POU2F3: variants seen among roughly 807,000 people sequenced by gnomAD.
The protein encoded by POU2F3 is POU class 2 homeobox 3.
Under a neutral mutation model 59.2 loss-of-function variants are expected in POU2F3, and 23 were observed. The ratio of observed to expected loss-of-function variants is 0.39; its 90% confidence interval spans 0.28 to 0.55. POU2F3 has a LOEUF of 0.55. POU2F3 is among the 20% of genes least tolerant of loss of function. The pLI is 0.66. For missense variants in POU2F3, 473 were observed against 544.5 expected (o/e 0.87, Z 1.31); for synonymous variants, 190 against 214.6 (o/e 0.89, Z 1.00).
Position 120,288,123 on chromosome 11 carries a change from AAAAC to A in POU2F3, c.133-10141_133-10138del, listed in dbSNP as rs1471717545. 7.1e-5 allele frequency among the ~76,000 whole-genome samples: 4 copies of A among 56,350 alleles called. No individual in the cohort carries two copies. In the East Asian group the frequency reaches 5.0e-3, roughly 70 times the overall value. The allele number at this position is 56,350 out of a possible 152,430, so 37.0% of individuals were successfully genotyped here. ...AAAAGAAAGAAAGAAAACAAACAAA[AAAAC>A]CAAAAAAAAAAAAAAAAAAAACAAG... On this transcript the variant is annotated intron_variant, in intron 3 of 12. Coordinates refer to ENST00000543440, the MANE Select transcript of POU2F3 (RefSeq NM_014352.4).
intron 3 of POU2F3, among the ~76,000 whole-genome samples, chr11:120,295,285 A>C (rs1941162692): frequency 6.6e-6 from 1 of 152,214 alleles, no homozygotes; most frequent in Non-Finnish European, 1.5e-5. Flanking sequence ...GCCTCTCCTT[A>C]TCTCTCCCTT....
In POU2F3 at chr11:120,305,209, A is replaced by G; in HGVS notation, c.624A>G (p.Thr208=). 1 of 1,613,400 alleles carries G rather than the reference A, an allele frequency of 6.2e-7. No homozygotes were observed. The highest frequency in any genetic ancestry group is 8.5e-7 in the Non-Finnish European group (1 of 1,179,736). The change falls in exon 7 of 13, where the codon ACA becomes ACG. Residue 208 remains threonine, a synonymous_variant. Transcript: ENST00000543440. ...AGAGGCGCATTAAGCTGGGCTTCAC[A>G]CAGGTTTGGTTTTAGGGGAAAAGAT... ...FKQRRIKLGF[T]QGDVGLAMGK... is the part of the protein sequence containing the mutation.
intron 5 of POU2F3, among the ~76,000 whole-genome samples, chr11:120,300,409 C>T (rs562358701): frequency 1.3e-5 from 2 of 152,096 alleles, no homozygotes; most frequent in South Asian, 4.2e-4. Flanking sequence ...GAGACCCATA[C>T]TCTTGGTCAT....
intron 2 of POU2F3, among the ~76,000 whole-genome samples, chr11:120,263,877 G>A (rs894264429): frequency 3.3e-5 from 5 of 152,190 alleles, no homozygotes; most frequent in African/African-American, 1.2e-4. Flanking sequence ...GGTTTCTTAG[G>A]TCTGAATAGG....
upstream of POU2F3, chr11:120,236,701 G>A (rs760849326): frequency 4.0e-6 from 6 of 1,502,040 alleles, no homozygotes; most frequent in African/African-American, 2.8e-5. Context: ...TGCTAAAGGA[G>A]GAAGGGGTAA....
intron 5 of POU2F3, chr11:120,301,713 A>T (rs1941352007): frequency 6.5e-6 from 1 of 153,236 alleles, no homozygotes; most frequent in African/African-American, 2.4e-5. Flanking sequence ...TCAGCCCTGG[A>T]CTTTCCCTCC....
intron 8 of POU2F3, among the ~76,000 whole-genome samples, chr11:120,306,543 A>C (rs1434108489): frequency 6.6e-6 from 1 of 152,148 alleles, no homozygotes; most frequent in Non-Finnish European, 1.5e-5. Flanking sequence ...ATCCACCCCC[A>C]GTTGAAACAG....
chr11:120,250,818 A>G lies in POU2F3; in HGVS notation c.97+4301A>G, dbSNP rs545882188. Among the ~76,000 whole-genome samples the G allele has an allele frequency of 2.0e-5, 3 of 152,298 alleles. No individual in the cohort carries two copies. In the South Asian group the frequency reaches 6.2e-4, roughly 32 times the overall value. The stretch of plus-strand genomic sequence containing the variant: ...TGGTGAAACCCCATCTCTACTAAAA[A>G]TACAAAAAATTAGCCGGGCGTGGTA... On this transcript the variant is annotated intron_variant, in intron 2 of 12. Transcript: ENST00000543440.
chr11:120,291,300 A>C (rs1235665225), intron 3 of POU2F3, among the ~76,000 whole-genome samples: 1 of 152,234 alleles, frequency 6.6e-6, no homozygotes, highest in African/African-American at 2.4e-5. Context: ...AGTGCAGTAG[A>C]ATGAACTGGA....
At chr11:120,262,160 T>C (rs2135173518) in intron 2 of POU2F3, among the ~76,000 whole-genome samples, 1 of 152,344 alleles carries the variant, frequency 6.6e-6, no homozygotes, top group Admixed American at 6.5e-5. Context: ...CTTTCAAATG[T>C]TCCCTCAATG....
At position 120,315,388 on chromosome 11, in the gene POU2F3, C is replaced by T. The variant is rs534135412; in HGVS notation, c.1096C>T (p.Leu366Phe). 1.2e-6 allele frequency: 2 copies of T among 1,613,818 alleles called. No homozygotes were observed. The highest frequency in any genetic ancestry group is 2.2e-5 in the East Asian group (1 of 44,888). The change falls in exon 11 of 13, where the codon CTC becomes TTC. Residue 366 changes from leucine (L) to phenylalanine (F), a missense_variant. Leu to Phe is a conservative substitution (Grantham distance 22, BLOSUM62 0). Transcript: ENST00000543440. ...ATCTCCCTCAGGGTCTCTGGGCCCC[C>T]TCTCTGTCCCTCCTGTCCACAGTAC... ...LVSPSGSLGP[L>F]SVPPVHSTMP...
intron 3 of POU2F3, among the ~76,000 whole-genome samples, chr11:120,293,499 G>A (rs748367713): frequency 3.9e-5 from 6 of 152,172 alleles, no homozygotes; most frequent in Non-Finnish European, 7.3e-5. Flanking sequence ...CTAGGGAGAA[G>A]TGTAGAAAGG....
upstream of POU2F3, chr11:120,240,134 C>T: frequency 8.4e-7 from 1 of 1,184,378 alleles, no homozygotes; most frequent in South Asian, 4.3e-5. Context: ...GCGTGCTCAC[C>T]TGGGGAGTGT....
chr11:120,294,456 TG>T (rs1270338870), intron 3 of POU2F3, among the ~76,000 whole-genome samples: 1 of 152,180 alleles, frequency 6.6e-6, no homozygotes, highest in Admixed American at 6.5e-5. Flanking sequence ...TGGGTTTGGT[TG>T]GGTTTTCACA....
chr11:120,304,970 AATC>A, intron 6 of POU2F3, 57 bp from the exon 7 acceptor site: 89 of 1,137,398 alleles, frequency 7.8e-5, no homozygotes, highest in Non-Finnish European at 9.9e-5. Flanking sequence ...AAAAAAAAAA[AATC>A]AGAAAATGTT....
chr11:120,275,171 T>C (rs763762904), intron 3 of POU2F3, among the ~76,000 whole-genome samples: 24 of 152,070 alleles, frequency 1.6e-4, no homozygotes, highest in Non-Finnish European at 2.8e-4. Flanking sequence ...TGGCTTAAGA[T>C]GGAGGCAGTG....
chr11:120,274,920 GA>G (rs1940258569), intron 3 of POU2F3, among the ~76,000 whole-genome samples: 1 of 152,176 alleles, frequency 6.6e-6, no homozygotes, highest in South Asian at 2.1e-4. Flanking sequence ...TGAAGGTGGG[GA>G]AAACCAACAG....
At chr11:120,308,115 C>T (rs556670071) in intron 9 of POU2F3, among the ~76,000 whole-genome samples, 1 of 152,304 alleles carries the variant, frequency 6.6e-6, no homozygotes, top group African/African-American at 2.4e-5. Flanking sequence ...CCTTCTACTC[C>T]TTCTTTTCTA....
intron 3 of POU2F3, among the ~76,000 whole-genome samples, chr11:120,291,789 C>T (rs1752541218): frequency 6.6e-6 from 1 of 150,770 alleles, no homozygotes; most frequent in African/African-American, 2.4e-5. Context: ...TCTCTTTATA[C>T]ATTATAAATT....
Sources: allele counts gnomAD v4.1 joint callset (sites outside exome capture counted in the v4.1 genomes callset), GRCh38; gene constraint gnomAD v4.1.1; transcripts MANE v1.5; gene names NCBI Gene and HGNC (gene_info 2026-07-23, HGNC 2026-07-21).